Variants in SLC4A10 observed in about 807,000 individuals in gnomAD.
SLC4A10 encodes the protein sodium-driven chloride bicarbonate exchanger.
SLC4A10 carries 42 observed loss-of-function variants against 137.7 expected under a neutral mutation model. The ratio of observed to expected loss-of-function variants is 0.30; its 90% confidence interval spans 0.24 to 0.39. The LOEUF (loss-of-function observed/expected upper bound fraction) is 0.39. SLC4A10 is among the 10% of genes least tolerant of loss of function. SLC4A10 has a pLI of 1.00. For missense variants in SLC4A10, 925 were observed against 1,355.0 expected, an observed-to-expected ratio of 0.68 and a Z score of 4.98; for synonymous variants, 474 against 464.1, an observed-to-expected ratio of 1.02 and a Z score of -0.27.
intron 6 of SLC4A10, 31 bp downstream of exon 6, chr2:161,863,093 C>T (rs1305913551): frequency 6.3e-7 from 1 of 1,591,334 alleles, no homozygotes; most frequent in East Asian, 2.2e-5. Flanking sequence ...CTCTTTATGT[C>T]TACTATAGGT....
rs2061871754 is a variant in SLC4A10 at position 161,882,455 on chromosome 2, A to G, written c.1194+11A>G. 5 of 1,550,912 alleles carry G rather than the reference A, an allele frequency of 3.2e-6. No individual in the cohort carries two copies. Among genetic ancestry groups the G allele is most frequent in the Non-Finnish European group, 4.4e-6 (5 of 1,145,416 alleles). ...CTAATGACAGATGAGGTATTTATTC[A>G]AGTTCTTTGGGAACATTTTCCCCCA... On this transcript the variant is annotated intron_variant, in intron 10 of 26. Coordinates refer to ENST00000446997, the MANE Select transcript of SLC4A10 (RefSeq NM_001178015.2).
chr2:161,794,279 C>G (rs939609943), intron 2 of SLC4A10, among the ~76,000 whole-genome samples: 2 of 152,028 alleles, frequency 1.3e-5, no homozygotes, highest in African/African-American at 4.8e-5. Context: ...AAGTAACTCG[C>G]CAATAAATAG....
intron 1 of SLC4A10, among the ~76,000 whole-genome samples, chr2:161,718,586 A>G (rs72875598): frequency 0.075 from 11,457 of 152,116 alleles, 543 homozygotes; most frequent in East Asian, 0.14. Context: ...TGGGTTGTTC[A>G]ATTTCCATGT....
intron 26 of SLC4A10, among the ~76,000 whole-genome samples, chr2:161,980,990 G>T (rs1700145632): frequency 6.6e-6 from 1 of 152,164 alleles, no homozygotes; most frequent in Non-Finnish European, 1.5e-5. Flanking sequence ...TCTTGAGCTG[G>T]TTATAAAATT....
chr2:161,676,834 G>A (rs961776018), intron 1 of SLC4A10, among the ~76,000 whole-genome samples: 6 of 152,018 alleles, frequency 3.9e-5, no homozygotes, highest in Non-Finnish European at 7.4e-5. Context: ...CTCGTTTGTA[G>A]TTCTATGAAA....
chr2:161,633,253 T>C (rs1458457748), intron 1 of SLC4A10, among the ~76,000 whole-genome samples: 1 of 151,780 alleles, frequency 6.6e-6, no homozygotes, highest in African/African-American at 2.4e-5. Context: ...TGAATTATTT[T>C]ACTTAAATGC....
chr2:161,822,129 T>C (rs1291992965), intron 3 of SLC4A10, among the ~76,000 whole-genome samples: 2 of 152,206 alleles, frequency 1.3e-5, no homozygotes, highest in African/African-American at 4.8e-5. Context: ...TAAAGGTGTG[T>C]AGTGAGTAAG....
At chr2:161,884,300 G>T (rs531400107) in intron 10 of SLC4A10, among the ~76,000 whole-genome samples, 1 of 152,100 alleles carries the variant, frequency 6.6e-6, no homozygotes, top group Non-Finnish European at 1.5e-5. Flanking sequence ...CATGAGACAC[G>T]TGATAATGTG....
At chr2:161,713,058 TAGAG>T (rs1244720197) in intron 1 of SLC4A10, among the ~76,000 whole-genome samples, 1 of 151,648 alleles carries the variant, frequency 6.6e-6, no homozygotes, top group African/African-American at 2.4e-5. Context: ...CTGGCCAACA[TAGAG>T]AGAAAAGGTC....
chr2:161,642,805 G>A (rs1323806419), intron 1 of SLC4A10, among the ~76,000 whole-genome samples: 2 of 151,914 alleles, frequency 1.3e-5, no homozygotes, highest in African/African-American at 4.8e-5. Context: ...TGAAAAATAG[G>A]TCAGTACAAA....
chr2:161,763,612 G>C (rs766400031), intron 1 of SLC4A10, among the ~76,000 whole-genome samples: 4 of 152,062 alleles, frequency 2.6e-5, no homozygotes, highest in Admixed American at 2.0e-4. Context: ...AGGAGTCATA[G>C]GACAAGAGCT....
intron 26 of SLC4A10, among the ~76,000 whole-genome samples, chr2:161,978,398 A>AG: frequency 6.7e-6 from 1 of 148,546 alleles, no homozygotes; most frequent in East Asian, 1.9e-4. Context: ...AAAAAAAAAA[A>AG]AAAGAAAAGA....
chr2:161,717,654 G>A lies in SLC4A10; in HGVS notation c.49-53319G>A, dbSNP rs371613848. ...CCAGGGATGAAGTAGACTTGATTGC[G>A]ATGGATAAGCTTTTTGATGTGCTGC... On this transcript the variant is annotated intron_variant, in intron 1 of 26. Transcript: ENST00000446997. Among the ~76,000 whole-genome samples the A allele has an allele frequency of 7.8e-4, 119 of 152,236 alleles. 1 individual carries two copies. The highest frequency in any genetic ancestry group is 1.4e-3 in the African/African-American group (57 of 41,560).
At chr2:161,952,941 C>G (rs972272268) in intron 19 of SLC4A10, among the ~76,000 whole-genome samples, 2 of 152,210 alleles carry the variant, frequency 1.3e-5, no homozygotes, top group African/African-American at 4.8e-5. Context: ...TGCAAAGTCT[C>G]CTGGCTTTGA....
intron 1 of SLC4A10, among the ~76,000 whole-genome samples, chr2:161,664,812 C>T (rs1364883426): frequency 6.6e-6 from 1 of 151,118 alleles, no homozygotes; most frequent in Non-Finnish European, 1.5e-5. Context: ...CTTTAGCTTA[C>T]TTGCATTTAA....
intron 1 of SLC4A10, among the ~76,000 whole-genome samples, chr2:161,640,789 CCA>C (rs1437561553): frequency 6.6e-6 from 1 of 152,042 alleles, no homozygotes; most frequent in Non-Finnish European, 1.5e-5. Context: ...CCTCAGCCTC[CCA>C]AGTAGCTGGA....
At chr2:161,694,277 T>TCAAAACTTGCATG (rs2042275037) in intron 1 of SLC4A10, among the ~76,000 whole-genome samples, 1 of 152,028 alleles carries the variant, frequency 6.6e-6, no homozygotes, top group Non-Finnish European at 1.5e-5. Flanking sequence ...TTGAGACACC[T>TCAAAACTTGCATG]TAACTCCCTC....
At chr2:161,842,926 C>CAGAT (rs2059273138) in intron 4 of SLC4A10, among the ~76,000 whole-genome samples, 1 of 152,118 alleles carries the variant, frequency 6.6e-6, no homozygotes, top group Non-Finnish European at 1.5e-5. Context: ...TTACAAGGAA[C>CAGAT]AGATGTTCCT....
intron 10 of SLC4A10, among the ~76,000 whole-genome samples, chr2:161,892,613 A>G (rs1377749291): frequency 1.3e-5 from 2 of 152,096 alleles, no homozygotes; most frequent in Non-Finnish European, 2.9e-5. Context: ...AGAAATGGAA[A>G]CAAATGGTCT....
Sources: allele counts gnomAD v4.1 joint callset (sites outside exome capture counted in the v4.1 genomes callset), GRCh38; gene constraint gnomAD v4.1.1; transcripts MANE v1.5; gene names NCBI Gene and HGNC (gene_info 2026-07-23, HGNC 2026-07-21).